Variants in PCMT1 observed in about 807,000 individuals in gnomAD.
The protein encoded by PCMT1 is protein-L-isoaspartate(D-aspartate) O-methyltransferase.
A neutral mutation model predicts 29.2 loss-of-function variants in PCMT1; 9 were observed. The ratio of observed to expected loss-of-function variants is 0.31; its 90% CI spans 0.19 to 0.54. The LOEUF (loss-of-function observed/expected upper bound fraction) is 0.54. Among genes scored for constraint, PCMT1 ranks in the 20% least tolerant of loss-of-function variants. PCMT1 has a pLI of 0.95. For synonymous variants in PCMT1, 98 were observed against 97.5 expected (o/e 1.00, Z -0.03); for missense variants, 184 against 282.2 (o/e 0.65, Z 2.49).
At chr6:149,754,404 T>C (rs957889769) in intron 1 of PCMT1, among the ~76,000 whole-genome samples, 2 of 152,184 alleles carry the variant, frequency 1.3e-5, no homozygotes, top group Non-Finnish European at 2.9e-5. Context: ...ATTTAAATAA[T>C]GTTTATATTA....
intron 3 of PCMT1, among the ~76,000 whole-genome samples, chr6:149,774,777 G>T (rs543112273): frequency 1.4e-3 from 204 of 149,088 alleles, no homozygotes; most frequent in African/African-American, 4.9e-3. Context: ...CGCCATCTTG[G>T]CTCACTGCAA....
intron 7 of PCMT1, among the ~76,000 whole-genome samples, chr6:149,803,052 CAAAAAAAAAAA>C (rs60853264): frequency 7.1e-5 from 5 of 70,576 alleles, no homozygotes; most frequent in African/African-American, 2.4e-4. Context: ...GGCTCTGTCT[CAAAAAAAAAAA>C]AAAAAAAAAA....
At chr6:149,767,354 C>T (rs919553279) in intron 1 of PCMT1, among the ~76,000 whole-genome samples, 1 of 151,956 alleles carries the variant, frequency 6.6e-6, no homozygotes, top group Non-Finnish European at 1.5e-5. Flanking sequence ...GTCACCGCAC[C>T]CAGCCGTTCA....
intron 1 of PCMT1, among the ~76,000 whole-genome samples, chr6:149,766,691 TTAC>T (rs1224764992): frequency 2.0e-5 from 3 of 152,198 alleles, no homozygotes; most frequent in African/African-American, 7.2e-5. Context: ...CCTAAAATAT[TTAC>T]TATTTGGACC....
At chr6:149,797,707 C>T (rs1583054229) in intron 6 of PCMT1, 1 of 152,224 alleles carries the variant, frequency 6.6e-6, no homozygotes, top group African/African-American at 2.4e-5. Flanking sequence ...GACTAGATGA[C>T]CGGGGATGAA....
rs1775842749 is a variant in PCMT1, at chr6:149,802,058, G to A, written c.505-142G>A. ...GCAGGAGAATCACTTGAACCTGGGA[G>A]GCAGAGGTTGCAGTGAGCTGAGATC... On this transcript the variant is annotated intron_variant, in intron 6 of 7. Coordinates refer to ENST00000464889, the MANE Select transcript of PCMT1 (RefSeq NM_001360452.2). 8.5e-6 allele frequency: 4 copies of A among 472,678 alleles called. No homozygotes were observed. In the South Asian group the frequency reaches 1.4e-4, roughly 16 times the overall value. 29.3% of individuals were successfully genotyped at this position (472,678 alleles called of 1,614,324 possible).
intron 1 of PCMT1, among the ~76,000 whole-genome samples, chr6:149,759,362 T>C (rs960438900): frequency 1.3e-5 from 2 of 152,214 alleles, no homozygotes; most frequent in Non-Finnish European, 2.9e-5. Flanking sequence ...GTGGGGTAGA[T>C]GGTTAACAGC....
At chr6:149,774,257 T>C (rs9765861) in intron 3 of PCMT1, among the ~76,000 whole-genome samples, 77,878 of 150,302 alleles carry the variant, frequency 0.52, 22,824 homozygotes, top group East Asian at 0.83. Flanking sequence ...TTTTTTTTTT[T>C]GAGATGGAGT....
chr6:149,790,101 T>C (rs1429263286), intron 4 of PCMT1, 43 bp downstream of exon 4: 3 of 1,169,422 alleles, frequency 2.6e-6, no homozygotes, highest in Non-Finnish European at 3.7e-6. Flanking sequence ...AGAAGAATAT[T>C]ATATGATTTG....
chr6:149,795,162 T>C, intron 5 of PCMT1: 1 of 294,894 alleles, frequency 3.4e-6, no homozygotes, highest in Non-Finnish European at 6.4e-6. Context: ...CATTGCACTC[T>C]AGCCTGGCAG....
intron 1 of PCMT1, 167 bp downstream of exon 1, chr6:149,750,123 C>T: frequency 1.1e-6 from 1 of 936,476 alleles, no homozygotes; most frequent in South Asian, 1.8e-5. Flanking sequence ...AGTCGCCTCC[C>T]TCGGGACCTG....
rs1326932860 is a variant in PCMT1, at chr6:149,772,544, TCC to T, written c.161-593_161-592del. 5 of 445,452 alleles carry T rather than the reference TCC, an allele frequency of 1.1e-5. No homozygotes were observed. In the East Asian group the frequency reaches 2.8e-4, roughly 25 times the overall value. The allele number at this position is 445,452 out of a possible 1,614,324, so 27.6% of individuals were successfully genotyped here. A position where few individuals can be genotyped will look rare whatever the true frequency, so the allele number is the denominator to read the frequency against. On this transcript the variant is annotated intron_variant, in intron 2 of 7. Transcript: ENST00000464889. Reference sequence around the variant, plus strand: ...TCAACTCTCAACTTACTGAAATTCTTCCTTTCTTAGCTGACTCTACAGGAGAA... The same window carrying T: ...TCAACTCTCAACTTACTGAAATTCTTTTTCTTAGCTGACTCTACAGGAGAA...
At chr6:149,802,627 G>T (rs9393174) in intron 7 of PCMT1, 211,309 of 466,244 alleles carry the variant, frequency 0.45, 51,958 homozygotes, top group African/African-American at 0.8. Flanking sequence ...TTGTTTGTTT[G>T]TTTTTTTTTT....
chr6:149,793,271 T>G (rs1457351861), intron 4 of PCMT1, among the ~76,000 whole-genome samples: 1 of 152,202 alleles, frequency 6.6e-6, no homozygotes. Flanking sequence ...GTACTACTAT[T>G]AAATATTGGT....
At chr6:149,785,433 C>T (rs2151909) in intron 3 of PCMT1, among the ~76,000 whole-genome samples, 60,990 of 119,154 alleles carry the variant, frequency 0.51, 13,707 homozygotes, top group African/African-American at 0.74. Context: ...TTTTATTGAT[C>T]ATTCTTGGGT....
At chr6:149,766,881 C>A (rs756511081) in intron 1 of PCMT1, among the ~76,000 whole-genome samples, 15 of 152,134 alleles carry the variant, frequency 9.9e-5, no homozygotes, top group Non-Finnish European at 1.8e-4. Flanking sequence ...CATGTAGTCT[C>A]CTCACCTGGC....
At chr6:149,778,529 C>T (rs1378156420) in intron 3 of PCMT1, among the ~76,000 whole-genome samples, 2 of 150,844 alleles carry the variant, frequency 1.3e-5, no homozygotes. Context: ...GCGTCTAGCC[C>T]TTAATTTTTT....
chr6:149,756,512 C>CTATTTTT lies in PCMT1; in HGVS notation c.55+6557_55+6558insATTTTTT, dbSNP rs1407016123. 1.6e-4 allele frequency among the ~76,000 whole-genome samples: 12 copies of CTATTTTT among 74,724 alleles called. 3 individuals are homozygous for CTATTTTT. Among genetic ancestry groups the CTATTTTT allele is most frequent in the African/African-American group, 4.8e-4 (9 of 18,634 alleles). The allele number at this position is 74,724 out of a possible 152,430, so 49.0% of individuals were successfully genotyped here. A position where few individuals can be genotyped will look rare whatever the true frequency, so the allele number is the denominator to read the frequency against. ...TACAGATGCACACCACCATGACTGGCTTTTTTTTTTTTTTTTTTTTTTTTT... is the reference window on the plus strand; with the variant it reads ...TACAGATGCACACCACCATGACTGGCTATTTTTTTTTTTTTTTTTTTTTTTTTTTTTT... On this transcript the variant is annotated intron_variant, in intron 1 of 7. Coordinates refer to ENST00000464889, the MANE Select transcript of PCMT1 (RefSeq NM_001360452.2).
intron 5 of PCMT1, chr6:149,794,835 C>A: frequency 2.0e-6 from 1 of 490,098 alleles, no homozygotes; most frequent in South Asian, 1.5e-5. Flanking sequence ...AGACGAAGGT[C>A]AAGTGACAGA....
Sources: gnomAD v4.1 joint callset for allele counts (sites outside exome capture counted in the v4.1 genomes callset) on GRCh38, gnomAD v4.1.1 for gene constraint, MANE v1.5 for transcripts, NCBI Gene and HGNC (gene_info 2026-07-23, HGNC 2026-07-21) for gene names.